The following NXN variants were observed in gnomAD, a reference collection of about 807,000 sequenced individuals.
NXN encodes the protein nucleoredoxin 1.
Under a neutral mutation model 48.6 loss-of-function variants are expected in NXN, and 16 were observed. The observed-to-expected ratio is 0.33, with a 90% CI of 0.22 to 0.50. The LOEUF is 0.50. Among genes scored for constraint, NXN ranks in the 20% least tolerant of loss-of-function variants. The pLI, the probability that NXN is intolerant of heterozygous loss-of-function variation, is 0.98. For missense variants in NXN, 492 were observed against 605.5 expected (o/e 0.81, Z 1.97); for synonymous variants, 281 against 269.6 (o/e 1.04, Z -0.41).
At chr17:818,188 G>C (rs1159395245) in intron 5 of NXN, among the ~76,000 whole-genome samples, 2 of 151,986 alleles carry the variant, frequency 1.3e-5, no homozygotes, top group Non-Finnish European at 2.9e-5. Flanking sequence ...TTGAGCCCTG[G>C]AGGCAGAGGT....
intron 1 of NXN, among the ~76,000 whole-genome samples, chr17:927,572 C>T (rs1405012923): frequency 2.8e-5 from 3 of 105,814 alleles, no homozygotes; most frequent in Non-Finnish European, 5.4e-5. Context: ...GGAAGTAAAA[C>T]CTTGTCTCAA....
At chr17:841,205 C>T (rs1208255239) in intron 1 of NXN, among the ~76,000 whole-genome samples, 3 of 152,244 alleles carry the variant, frequency 2.0e-5, no homozygotes, top group African/African-American at 7.2e-5. Flanking sequence ...GTGAATACTT[C>T]TCATGTGGGC....
intron 5 of NXN, among the ~76,000 whole-genome samples, chr17:810,331 A>C (rs66931010): frequency 2.2e-5 from 2 of 91,798 alleles, no homozygotes; most frequent in Non-Finnish European, 4.7e-5. Context: ...TTACGAGTGC[A>C]TGTGAGTGGC....
chr17:904,589 G>A (rs1018722230), intron 1 of NXN, among the ~76,000 whole-genome samples: 1 of 152,132 alleles, frequency 6.6e-6, no homozygotes, highest in African/African-American at 2.4e-5. Flanking sequence ...TGTCACCCGG[G>A]CTGGGGTGCA....
chr17:899,260 G>A (rs1327901076), intron 1 of NXN, among the ~76,000 whole-genome samples: 2 of 152,102 alleles, frequency 1.3e-5, no homozygotes, highest in Non-Finnish European at 2.9e-5. Flanking sequence ...ACCCCGGCCT[G>A]TGCATGCTTT....
chr17:814,715 G>C (rs1260986117), intron 5 of NXN, among the ~76,000 whole-genome samples: 7 of 152,274 alleles, frequency 4.6e-5, no homozygotes, highest in East Asian at 1.9e-4. Context: ...AGTATGGGAT[G>C]GTTAGCACGC....
At chr17:925,170 G>A (rs1438895061) in intron 1 of NXN, among the ~76,000 whole-genome samples, 3 of 152,168 alleles carry the variant, frequency 2.0e-5, no homozygotes, top group East Asian at 1.9e-4. Flanking sequence ...AGAAAGAAGG[G>A]GTGGAAAGGA....
chr17:839,688 G>T (rs1284886683), intron 1 of NXN, among the ~76,000 whole-genome samples: 1 of 151,006 alleles, frequency 6.6e-6, no homozygotes, highest in African/African-American at 2.4e-5. Flanking sequence ...TGTAGTCCCA[G>T]CTACGCAGGA....
At chr17:811,737 C>T (rs994930399) in intron 5 of NXN, among the ~76,000 whole-genome samples, 2 of 152,034 alleles carry the variant, frequency 1.3e-5, no homozygotes, top group Non-Finnish European at 2.9e-5. Flanking sequence ...CGGCAGAGGC[C>T]GCCACCCTGT....
chr17:967,368 C>G (rs2069318938), intron 1 of NXN, among the ~76,000 whole-genome samples: 2 of 152,220 alleles, frequency 1.3e-5, no homozygotes, highest in Non-Finnish European at 2.9e-5. Context: ...GGCGCAGAGA[C>G]AGGCGGGGCG....
At position 800,699 on chromosome 17, in the gene NXN, G is replaced by A. The variant is rs1911155135; in HGVS notation, c.*250C>T. 1.5e-5 allele frequency: 5 copies of A among 337,358 alleles called. No individual in the cohort carries two copies. Among genetic ancestry groups the A allele is most frequent in the South Asian group, 2.8e-4 (2 of 7,188 alleles). The allele number at this position is 337,358 out of a possible 1,614,324, so 20.9% of individuals were successfully genotyped here. A position where few individuals can be genotyped will look rare whatever the true frequency, so the allele number is the denominator to read the frequency against. On this transcript the variant is annotated 3_prime_UTR_variant, in exon 8 of 8. Coordinates refer to ENST00000336868, the MANE Select transcript of NXN (RefSeq NM_022463.5). ...GACTTTGCGAAAGCCATGCAGCCCC[G>A]CTCTGGCCGGGCCCCCGGCCATCCC...
At chr17:823,909 C>G (rs1436935388) in intron 2 of NXN, 144 bp from the exon 3 acceptor site, 2 of 708,864 alleles carry the variant, frequency 2.8e-6, no homozygotes, top group Admixed American at 2.8e-5. Context: ...AGATAATCAT[C>G]AAACAGTACT....
intron 1 of NXN, among the ~76,000 whole-genome samples, chr17:843,363 G>A (rs536751749): frequency 3.3e-5 from 5 of 152,334 alleles, no homozygotes; most frequent in Admixed American, 2.0e-4. Flanking sequence ...AGTTAGCTGG[G>A]AGCACAAACG....
chr17:893,371 C>T (rs1418746250), intron 1 of NXN, among the ~76,000 whole-genome samples: 3 of 152,226 alleles, frequency 2.0e-5, no homozygotes, highest in African/African-American at 4.8e-5. Context: ...CCTAATCCTC[C>T]GGTCCCAGCT....
intron 5 of NXN, among the ~76,000 whole-genome samples, chr17:813,725 T>C (rs1325736118): frequency 6.6e-6 from 1 of 152,112 alleles, no homozygotes; most frequent in Non-Finnish European, 1.5e-5. Context: ...TCCCAGCACT[T>C]TGGGAGGCCA....
chr17:832,489 C>T (rs1913536951), intron 1 of NXN, among the ~76,000 whole-genome samples: 1 of 152,008 alleles, frequency 6.6e-6, no homozygotes, highest in Non-Finnish European at 1.5e-5. Context: ...CCAGCCTCAG[C>T]CAGGAATTTT....
At position 815,207 on chromosome 17, in the gene NXN, T is replaced by C. The variant is rs539332568; in HGVS notation, c.820+4232A>G. ...TTTGAAGGCGATGAGGCACTCACAG[T>C]TCAGCTGACATCCATCCATATGATG... On this transcript the variant is annotated intron_variant, in intron 5 of 7. Transcript: ENST00000336868. Among the ~76,000 whole-genome samples the C allele has an allele frequency of 3.3e-5, 5 of 152,344 alleles. No individual in the cohort carries two copies. In the South Asian group the frequency reaches 8.3e-4, roughly 25 times the overall value.
At chr17:891,770 C>T (rs1406833632) in intron 1 of NXN, among the ~76,000 whole-genome samples, 1 of 151,514 alleles carries the variant, frequency 6.6e-6, no homozygotes, top group African/African-American at 2.4e-5. Flanking sequence ...AAGCTAACCC[C>T]ACCATGCAGA....
intron 1 of NXN, among the ~76,000 whole-genome samples, chr17:869,985 GTTGTGCTTC>G (rs1433142356): frequency 6.6e-6 from 1 of 152,190 alleles, no homozygotes; most frequent in Non-Finnish European, 1.5e-5. Flanking sequence ...CCGGGGGGTG[GTTGTGCTTC>G]CCACGGGCCA....
Sources: allele counts gnomAD v4.1 joint callset (sites outside exome capture counted in the v4.1 genomes callset), GRCh38; gene constraint gnomAD v4.1.1; transcripts MANE v1.5; gene names NCBI Gene and HGNC (gene_info 2026-07-23, HGNC 2026-07-21).